The following UCK2 variants were observed in gnomAD, a reference collection of about 807,000 sequenced individuals.
UCK2 encodes uridine-cytidine kinase 2, also known as cytidine monophosphokinase 2.
UCK2 carries 6 observed loss-of-function variants against 30.8 expected under a neutral mutation model. That is an observed-to-expected ratio of 0.19 (90% CI 0.11 to 0.38). The LOEUF (loss-of-function observed/expected upper bound fraction) is 0.38. UCK2 is among the 10% of genes least tolerant of loss of function. The pLI, the probability that UCK2 is intolerant of heterozygous loss-of-function variation, is 1.00. For missense variants in UCK2, 210 were observed against 339.8 expected, an observed-to-expected ratio of 0.62 and a Z score of 3.00; for synonymous variants, 125 against 133.6, an observed-to-expected ratio of 0.94 and a Z score of 0.45.
chr1:165,880,436 G>A (rs1476256737), intron 1 of UCK2, among the ~76,000 whole-genome samples: 1 of 152,146 alleles, frequency 6.6e-6, no homozygotes, highest in African/African-American at 2.4e-5. Flanking sequence ...AGCCTCACTT[G>A]CACCCACAAG....
At chr1:165,892,050 TGA>T (rs143603083) in intron 3 of UCK2, 282 of 143,926 alleles carry the variant, frequency 2.0e-3, no homozygotes, top group African/African-American at 4.7e-3. Context: ...AGGAGGAAGA[TGA>T]GAGAGAGAGA....
At chr1:165,851,833 A>G (rs1654605961) in intron 1 of UCK2, among the ~76,000 whole-genome samples, 1 of 152,126 alleles carries the variant, frequency 6.6e-6, no homozygotes, top group South Asian at 2.1e-4. Context: ...ACGAGTGAGA[A>G]TATGAGGCAT....
At position 165,907,784 on chromosome 1, in the gene UCK2, C is replaced by A. The variant is rs765692815; in HGVS notation, c.747C>A (p.Arg249=). 6.2e-7 allele frequency: 1 copy of A among 1,614,210 alleles called. No individual in the cohort carries two copies. Among genetic ancestry groups the A allele is most frequent in the Non-Finnish European group, 8.5e-7 (1 of 1,180,046 alleles). ...GTCTCAACGGCTACACCCCTTCACG[C>A]AAGAGGCAGGCATCGGAGTCCAGCA... ...NGCLNGYTPS[R]KRQASESSSR... Residue 249 remains arginine, a synonymous_variant, in exon 7 of 7, where the codon CGC becomes CGA. Coordinates refer to ENST00000367879, the MANE Select transcript of UCK2 (RefSeq NM_012474.5).
chr1:165,830,803 A>G (rs1654029232), intron 1 of UCK2, among the ~76,000 whole-genome samples: 1 of 151,906 alleles, frequency 6.6e-6, no homozygotes, highest in Non-Finnish European at 1.5e-5. Context: ...GGAGGCAGAG[A>G]CAGGAGGATT....
intron 1 of UCK2, among the ~76,000 whole-genome samples, chr1:165,847,610 A>AT (rs1654484735): frequency 6.6e-6 from 1 of 151,932 alleles, no homozygotes; most frequent in Non-Finnish European, 1.5e-5. Flanking sequence ...TCAGGTTTTT[A>AT]TTTTTTTCTA....
chr1:165,858,810 T>C (rs1306774330), intron 1 of UCK2, among the ~76,000 whole-genome samples: 1 of 152,112 alleles, frequency 6.6e-6, no homozygotes, highest in African/African-American at 2.4e-5. Context: ...GGAATGCTGA[T>C]GGGGCAAGGG....
At chr1:165,877,729 A>G (rs920736941) in intron 1 of UCK2, among the ~76,000 whole-genome samples, 10 of 152,102 alleles carry the variant, frequency 6.6e-5, no homozygotes, top group African/African-American at 2.2e-4. Context: ...TTGTGTATGT[A>G]TTTTTGTGTG....
intron 1 of UCK2, among the ~76,000 whole-genome samples, chr1:165,867,332 T>G (rs2101868391): frequency 6.6e-6 from 1 of 152,366 alleles, no homozygotes; most frequent in East Asian, 1.9e-4. Flanking sequence ...TTTGCCACGT[T>G]GATTGACTCT....
intron 4 of UCK2, 132 bp downstream of exon 4, chr1:165,896,464 GGTCCAGCCCGGCTGCGTCA>G: frequency 1.0e-6 from 1 of 1,002,276 alleles, no homozygotes; most frequent in Non-Finnish European, 1.5e-6. Flanking sequence ...TGTGTCGCAT[GGTCCAGCCCGGCTGCGTCA>G]GTCCAGCCCC....
chr1:165,830,614 C>T (rs934913183), intron 1 of UCK2, among the ~76,000 whole-genome samples: 10 of 141,914 alleles, frequency 7.0e-5, no homozygotes, highest in Admixed American at 2.1e-4. Flanking sequence ...TGTGCGCCAC[C>T]ACGCCGGCAA....
rs1031864820 is a variant in UCK2 at position 165,843,416 on chromosome 1, C to T, written c.99+15484C>T. 3.3e-5 allele frequency among the ~76,000 whole-genome samples: 5 copies of T among 152,116 alleles called. No homozygotes were observed. The South Asian group carries it at 8.3e-4, about 25-fold the overall frequency. ...GGGACAGGACTGAGTTTCAAGAAGT[C>T]GTTAGGCCACAGGTTTTTTGAGGGA... is the stretch of plus-strand genomic sequence containing the variant. On this transcript the variant is annotated intron_variant, in intron 1 of 6. Transcript: ENST00000367879.
At chr1:165,840,986 A>G (rs2101852013) in intron 1 of UCK2, among the ~76,000 whole-genome samples, 1 of 152,184 alleles carries the variant, frequency 6.6e-6, no homozygotes, top group South Asian at 2.1e-4. Flanking sequence ...TACCTCTCCT[A>G]TCAACTGTTT....
intron 3 of UCK2, among the ~76,000 whole-genome samples, chr1:165,893,335 A>C (rs78887253): frequency 1.7e-4 from 26 of 152,220 alleles, no homozygotes; most frequent in African/African-American, 6.3e-4. Context: ...CTCATACCTT[A>C]TATTTTAAAA....
intron 1 of UCK2, among the ~76,000 whole-genome samples, chr1:165,845,053 CCT>C (rs1325285667): frequency 6.6e-6 from 1 of 152,168 alleles, no homozygotes; most frequent in Non-Finnish European, 1.5e-5. Flanking sequence ...GATTTAAAAA[CCT>C]CTGTCAGAAG....
At chr1:165,884,052 T>C (rs1179037424) in intron 1 of UCK2, among the ~76,000 whole-genome samples, 1 of 152,192 alleles carries the variant, frequency 6.6e-6, no homozygotes, top group African/African-American at 2.4e-5. Flanking sequence ...GCAATGGTTT[T>C]TTCCTTTGAG....
At chr1:165,853,261 C>T (rs192841193) in intron 1 of UCK2, among the ~76,000 whole-genome samples, 1 of 152,202 alleles carries the variant, frequency 6.6e-6, no homozygotes, top group East Asian at 1.9e-4. Flanking sequence ...CAGATCATCT[C>T]AGTGATTTTA....
intron 1 of UCK2, among the ~76,000 whole-genome samples, chr1:165,844,687 GA>G (rs1181177940): frequency 3.9e-5 from 6 of 152,346 alleles, no homozygotes; most frequent in East Asian, 1.9e-4. Flanking sequence ...GTGAGAGGGA[GA>G]GGGGGGCTGA....
chr1:165,854,226 G>T (rs1654669128), intron 1 of UCK2, among the ~76,000 whole-genome samples: 1 of 152,202 alleles, frequency 6.6e-6, no homozygotes, highest in Non-Finnish European at 1.5e-5. Flanking sequence ...GAACGTCTGT[G>T]TGATCTCACA....
intron 1 of UCK2, among the ~76,000 whole-genome samples, chr1:165,872,591 A>T (rs548319390): frequency 6.6e-6 from 1 of 152,376 alleles, no homozygotes; most frequent in South Asian, 2.1e-4. Flanking sequence ...CTACAAATAT[A>T]TATGTATATC....
Sources: gnomAD v4.1 joint callset for allele counts (sites outside exome capture counted in the v4.1 genomes callset) on GRCh38, gnomAD v4.1.1 for gene constraint, MANE v1.5 for transcripts, NCBI Gene and HGNC (gene_info 2026-07-23, HGNC 2026-07-21) for gene names.